CCDC144A: variants seen among roughly 807,000 people sequenced by gnomAD.
CCDC144A encodes coiled-coil domain-containing protein 144A.
In CCDC144A, 41 loss-of-function variants were observed where a neutral mutation model predicts 143.8. The ratio of observed to expected loss-of-function variants is 0.29; its 90% CI spans 0.22 to 0.37. The LOEUF (loss-of-function observed/expected upper bound fraction) is 0.37, where lower values mean the gene tolerates loss of function less well. CCDC144A is among the 10% of genes least tolerant of loss of function. CCDC144A has a pLI of 1.00. For missense variants in CCDC144A, 637 were observed against 1,488.8 expected (o/e 0.43, Z 9.41); for synonymous variants, 242 against 517.9 (o/e 0.47, Z 7.23).
chr17:16,764,258 T>G (rs1915505926), intron 15 of CCDC144A, 83 bp downstream of exon 15: 9 of 1,545,074 alleles, frequency 5.8e-6, no homozygotes, highest in Non-Finnish European at 7.0e-6. Context: ...CTTAATTGTC[T>G]TGTGTATGGT....
Position 16,740,654 on chromosome 17 carries a change from A to AT in CCDC144A, c.3372+5016dup, listed in dbSNP as rs1243139800. On this transcript the variant is annotated intron_variant, in intron 12 of 16. Transcript: ENST00000399273. The stretch of plus-strand genomic sequence containing the variant: ...TAGCTTAACACTCAAAGGACACTAC[A>AT]TTTTTACTTCTGAGATTGTTAAAAC... Among the ~76,000 whole-genome samples, 3 of 152,052 alleles carry AT rather than the reference A, an allele frequency of 2.0e-5. No individual in the cohort carries two copies. The East Asian group carries it at 5.8e-4, about 29-fold the overall frequency.
chr17:16,715,424 TC>T (rs1310365757), intron 6 of CCDC144A, among the ~76,000 whole-genome samples: 1 of 152,198 alleles, frequency 6.6e-6, no homozygotes, highest in South Asian at 2.1e-4. Context: ...TAAGCTACAT[TC>T]TTTGTATTAA....
chr17:16,670,788 T>C, the CCDC144A span, among the ~76,000 whole-genome samples: 10 of 151,986 alleles, frequency 6.6e-5, no homozygotes, highest in African/African-American at 2.2e-4. Context: ...GGATTAAAAA[T>C]GTGAGCCACC....
the CCDC144A span, among the ~76,000 whole-genome samples, chr17:16,675,792 G>A: frequency 6.6e-6 from 1 of 152,000 alleles, no homozygotes; most frequent in African/African-American, 2.4e-5. Flanking sequence ...GCCCAGGCTG[G>A]AGTGCTGTGG....
At chr17:16,672,582 T>G in the CCDC144A span, among the ~76,000 whole-genome samples, 1 of 152,146 alleles carries the variant, frequency 6.6e-6, no homozygotes, top group Non-Finnish European at 1.5e-5. Flanking sequence ...GGAAACAATT[T>G]ATATAACCTG....
Position 16,773,625 on chromosome 17 carries a change from A to C in CCDC144A, c.4270A>C (p.Ile1424Leu). Reference sequence around the variant, plus strand: ...TGCACAGATTTTAAGAAGAAAATACATACTCTGAAAGATAAGGCAATTTTA... The same window carrying C: ...TGCACAGATTTTAAGAAGAAAATACCTACTCTGAAAGATAAGGCAATTTTA... Reference protein sequence around the residue: ...EYAQILRRKYIL With the variant: ...EYAQILRRKYLL Residue 1424 changes from isoleucine to leucine, a missense_variant, in exon 17 of 17, where the codon ATA becomes CTA. Ile to Leu is a conservative substitution (Grantham distance 5). Coordinates refer to ENST00000399273, the MANE Select transcript of CCDC144A (RefSeq NM_001382000.1). 1 of 1,525,288 alleles carries C rather than the reference A, an allele frequency of 6.6e-7. No individual in the cohort carries two copies. The highest frequency in any genetic ancestry group is 1.3e-5 in the South Asian group (1 of 78,516). 94.5% of individuals were successfully genotyped at this position (1,525,288 alleles called of 1,614,324 possible). A position where few individuals can be genotyped will look rare whatever the true frequency, so the allele number is the denominator to read the frequency against.
chr17:16,692,560 C>A (rs1173337438), intron 1 of CCDC144A, among the ~76,000 whole-genome samples: 1 of 144,980 alleles, frequency 6.9e-6, no homozygotes, highest in East Asian at 2.0e-4. Flanking sequence ...CAAATTATTT[C>A]ATTGCTTCAC....
chr17:16,682,202 GGTGTGTGTGT>G, the CCDC144A span, among the ~76,000 whole-genome samples: 12 of 145,334 alleles, frequency 8.3e-5, no homozygotes, highest in South Asian at 4.6e-4. Flanking sequence ...TCTGAAAATG[GGTGTGTGTGT>G]GTGTGTGTGT....
chr17:16,667,527 T>A, the CCDC144A span, among the ~76,000 whole-genome samples: 1 of 152,150 alleles, frequency 6.6e-6, no homozygotes, highest in Non-Finnish European at 1.5e-5. Context: ...TCCCTGCGGC[T>A]GGGTCCACCG....
chr17:16,698,146 G>A (rs1050906984), intron 2 of CCDC144A, among the ~76,000 whole-genome samples: 1 of 151,996 alleles, frequency 6.6e-6, no homozygotes, highest in African/African-American at 2.4e-5. Flanking sequence ...TGTCCATGAT[G>A]GGAAAGGTAT....
intron 3 of CCDC144A, chr17:16,707,066 G>A (rs1333613441): frequency 2.5e-5 from 4 of 159,806 alleles, no homozygotes; most frequent in African/African-American, 7.2e-5. Context: ...CACCAATAAA[G>A]GTGTCCACAG....
intron 12 of CCDC144A, among the ~76,000 whole-genome samples, chr17:16,742,220 C>T (rs1261204265): frequency 1.3e-5 from 2 of 152,108 alleles, no homozygotes; most frequent in Non-Finnish European, 2.9e-5. Flanking sequence ...TCCCCTTTAC[C>T]TTTCTCAGCC....
chr17:16,678,623 C>G, the CCDC144A span, among the ~76,000 whole-genome samples: 1 of 144,378 alleles, frequency 6.9e-6, no homozygotes, highest in Admixed American at 7.1e-5. Flanking sequence ...CTCTGTGGCC[C>G]AGGTTGGAGT....
At chr17:16,757,863 A>T (rs1215700606) in intron 12 of CCDC144A, among the ~76,000 whole-genome samples, 1 of 152,162 alleles carries the variant, frequency 6.6e-6, no homozygotes, top group Non-Finnish European at 1.5e-5. Context: ...TTCCACAGGT[A>T]TATGGTGCTG....
chr17:16,761,065 C>T (rs1915336873), intron 12 of CCDC144A, among the ~76,000 whole-genome samples: 2 of 150,728 alleles, frequency 1.3e-5, no homozygotes, highest in Middle Eastern at 3.2e-3. Flanking sequence ...CGGTGGCTCA[C>T]GTCTGTAATC....
chr17:16,692,127 C>T (rs1173711722), intron 1 of CCDC144A, among the ~76,000 whole-genome samples: 1 of 152,130 alleles, frequency 6.6e-6, no homozygotes, highest in Non-Finnish European at 1.5e-5. Flanking sequence ...GCATGTCTTT[C>T]ATGGAACTGA....
chr17:16,757,773 C>T lies in CCDC144A; in HGVS notation c.3373-3652C>T, dbSNP rs1202095467. ...TGGCAGTGGTGTCAGTCAGGTGGCT[C>T]CTAGGCTCTAGACAGCACACACTTA... On this transcript the variant is annotated intron_variant, in intron 12 of 16. Transcript: ENST00000399273. Among the ~76,000 whole-genome samples the T allele has an allele frequency of 2.0e-5, 3 of 152,364 alleles. No homozygotes were observed. The East Asian group carries it at 5.8e-4, about 29-fold the overall frequency.
chr17:16,709,651 C>T lies in CCDC144A; in HGVS notation c.1578+16C>T, dbSNP rs562909488. ...TCATAAAGATGTAGGGTTTTACTTG[C>T]TGCCACTCTTTGTTTTTTCTCTCAA... On this transcript the variant is annotated intron_variant, in intron 5 of 16. Coordinates refer to ENST00000399273, the MANE Select transcript of CCDC144A (RefSeq NM_001382000.1). 10 of 1,604,822 alleles carry T rather than the reference C, an allele frequency of 6.2e-6. No individual in the cohort carries two copies. The highest frequency in any genetic ancestry group is 7.6e-6 in the Non-Finnish European group (9 of 1,178,036).
At chr17:16,686,990 A>G (rs1004529655), upstream of CCDC144A, among the ~76,000 whole-genome samples, 6 of 152,086 alleles carry the variant, frequency 3.9e-5, no homozygotes, top group Non-Finnish European at 1.5e-5. Context: ...TAGGGTTTTT[A>G]GGTCTGTTTT....
Sources: allele counts gnomAD v4.1 joint callset (sites outside exome capture counted in the v4.1 genomes callset), GRCh38; gene constraint gnomAD v4.1.1; transcripts MANE v1.5; gene names NCBI Gene and HGNC (gene_info 2026-07-23, HGNC 2026-07-21).